The following SPIRE1 variants were observed in gnomAD, a reference collection of about 807,000 sequenced individuals.
The protein encoded by SPIRE1 is protein spire homolog 1.
In SPIRE1, 40 loss-of-function variants were observed where a neutral mutation model predicts 94.1. The observed-to-expected ratio is 0.43, with a 90% CI of 0.33 to 0.55. The LOEUF is 0.55. Ranked by LOEUF, SPIRE1 falls within the 20% of genes least tolerant of loss-of-function variation. SPIRE1 has a pLI of 0.06. For missense variants in SPIRE1, 838 were observed against 975.2 expected (o/e 0.86, Z 1.87); for synonymous variants, 376 against 371.7 (o/e 1.01, Z -0.13).
At chr18:12,526,432 C>T (rs1050192579) in intron 4 of SPIRE1, among the ~76,000 whole-genome samples, 3 of 152,292 alleles carry the variant, frequency 2.0e-5, no homozygotes, top group East Asian at 1.9e-4. Context: ...CCACTGGCCA[C>T]GGCCCTTCTA....
At chr18:12,487,263 T>C (rs958996318) in intron 8 of SPIRE1, among the ~76,000 whole-genome samples, 4 of 152,312 alleles carry the variant, frequency 2.6e-5, no homozygotes, top group African/African-American at 7.2e-5. Context: ...AACTTTTTCA[T>C]AGGTATGCAT....
chr18:12,567,619 AATATGCAGTTAC>A (rs1260092196), intron 2 of SPIRE1, among the ~76,000 whole-genome samples: 5 of 152,152 alleles, frequency 3.3e-5, no homozygotes, highest in South Asian at 4.1e-4. Context: ...CTTTTTCCCC[AATATGCAGTTAC>A]ACTGGTAAAA....
At chr18:12,571,323 C>A (rs2035955529) in intron 2 of SPIRE1, among the ~76,000 whole-genome samples, 1 of 152,150 alleles carries the variant, frequency 6.6e-6, no homozygotes, top group African/African-American at 2.4e-5. Context: ...GATCCGCCCA[C>A]CTAAGCCTCC....
Position 12,449,434 on chromosome 18 carries a change from C to T in SPIRE1, c.*204G>A, listed in dbSNP as rs141009237. ...AACTGTTGTCCTCTCTCAGTGCAAACGAGCAATTGGCGGACCTGTCACGTT... is the reference window on the plus strand; with the variant it reads ...AACTGTTGTCCTCTCTCAGTGCAAATGAGCAATTGGCGGACCTGTCACGTT... On this transcript the variant is annotated 3_prime_UTR_variant, in exon 17 of 17. Coordinates refer to ENST00000409402, the MANE Select transcript of SPIRE1 (RefSeq NM_001128626.2). The T allele has an allele frequency of 5.1e-4, 310 of 602,556 alleles. No homozygotes were observed. The highest frequency in any genetic ancestry group is 4.7e-3 in the African/African-American group (254 of 53,922). 37.3% of individuals were successfully genotyped at this position (602,556 alleles called of 1,614,324 possible).
Position 12,506,567 on chromosome 18 carries a change from G to A in SPIRE1, c.882C>T (p.Tyr294=). ...VKLKKVQERQ[Y]NPLPIEYQLT... Reference sequence around the variant, plus strand: ...GCTGATATTCAATGGGCAAAGGGTTGTACTGCCGCTCTTGGACCTTCTTAA... The same window carrying A: ...GCTGATATTCAATGGGCAAAGGGTTATACTGCCGCTCTTGGACCTTCTTAA... The change falls in exon 6 of 17, where the codon TAC becomes TAT. Residue 294 remains tyrosine (Y), a synonymous_variant. Transcript: ENST00000409402. 6.2e-7 allele frequency: 1 copy of A among 1,614,028 alleles called. No individual in the cohort carries two copies. The highest frequency in any genetic ancestry group is 2.2e-5 in the East Asian group (1 of 44,876).
chr18:12,567,553 G>T (rs2035848922), intron 2 of SPIRE1, among the ~76,000 whole-genome samples: 1 of 152,136 alleles, frequency 6.6e-6, no homozygotes. Flanking sequence ...GGGTCTCCTA[G>T]AATCACTATC....
In SPIRE1 at chr18:12,464,851, GCAC is replaced by G; in HGVS notation, c.1495+14_1495+16del. On this transcript the variant is annotated intron_variant, in intron 11 of 16. Transcript: ENST00000409402. ...GTAAGACATCCGACTACAGCTCTTA[GCAC>G]CACAACTACTCACTCTTCCTTGTGG... 1 of 1,603,986 alleles carries G rather than the reference GCAC, an allele frequency of 6.2e-7. No individual in the cohort carries two copies.
At chr18:12,478,678 G>A (rs562912870) in intron 10 of SPIRE1, among the ~76,000 whole-genome samples, 1 of 152,096 alleles carries the variant, frequency 6.6e-6, no homozygotes, top group East Asian at 1.9e-4. Flanking sequence ...AAGTGGGTGA[G>A]GGAGAAGGGA....
intron 6 of SPIRE1, among the ~76,000 whole-genome samples, chr18:12,506,164 T>C (rs1055906488): frequency 1.3e-5 from 2 of 152,156 alleles, no homozygotes; most frequent in African/African-American, 4.8e-5. Context: ...TAGTTTTTTG[T>C]TTTTCTTTTT....
At chr18:12,525,299 T>A (rs181680749) in intron 4 of SPIRE1, among the ~76,000 whole-genome samples, 22,842 of 98,722 alleles carry the variant, frequency 0.23, 2,598 homozygotes, top group Non-Finnish European at 0.27. Flanking sequence ...AAAAAAAAAA[T>A]AATAATAATA....
chr18:12,625,807 C>T (rs2037604672), intron 2 of SPIRE1, among the ~76,000 whole-genome samples: 1 of 152,140 alleles, frequency 6.6e-6, no homozygotes, highest in Admixed American at 6.6e-5. Context: ...CTTTGGGAGG[C>T]CAAGGCGGGT....
At chr18:12,651,503 G>A (rs993874178) in intron 1 of SPIRE1, among the ~76,000 whole-genome samples, 3 of 152,060 alleles carry the variant, frequency 2.0e-5, no homozygotes, top group East Asian at 3.9e-4. Flanking sequence ...GGTGAAACCC[G>A]TGTCTACTAA....
chr18:12,579,428 A>G (rs771014527), intron 2 of SPIRE1, among the ~76,000 whole-genome samples: 4 of 152,202 alleles, frequency 2.6e-5, no homozygotes, highest in Admixed American at 6.5e-5. Context: ...TGAACTATCC[A>G]GAACAGGGAA....
intron 1 of SPIRE1, among the ~76,000 whole-genome samples, chr18:12,639,965 G>A (rs1490568011): frequency 2.0e-5 from 3 of 151,868 alleles, no homozygotes; most frequent in Admixed American, 6.6e-5. Context: ...ATGGCTTTAC[G>A]AAACAAACTA....
Position 12,593,720 on chromosome 18 carries a change from C to A in SPIRE1, c.372+41342G>T, listed in dbSNP as rs1007350444. On this transcript the variant is annotated intron_variant, in intron 2 of 16. Coordinates refer to ENST00000409402, the MANE Select transcript of SPIRE1 (RefSeq NM_001128626.2). ...ATCCCAGCACTTTGGGAGGCCGAGGCGGGCGGATCACCTGAGGTCAGGAGT... is the reference window on the plus strand; with the variant it reads ...ATCCCAGCACTTTGGGAGGCCGAGGAGGGCGGATCACCTGAGGTCAGGAGT... 7.2e-5 allele frequency among the ~76,000 whole-genome samples: 11 copies of A among 152,194 alleles called. No homozygotes were observed. The South Asian group carries it at 2.1e-3, about 29-fold the overall frequency.
chr18:12,522,053 C>A (rs1235254642), intron 4 of SPIRE1, among the ~76,000 whole-genome samples: 1 of 152,156 alleles, frequency 6.6e-6, no homozygotes, highest in Non-Finnish European at 1.5e-5. Flanking sequence ...AAGTCTCTCA[C>A]TTTAAATCAA....
intron 2 of SPIRE1, among the ~76,000 whole-genome samples, chr18:12,625,039 T>G (rs572099519): frequency 9.1e-6 from 1 of 109,606 alleles, no homozygotes; most frequent in African/African-American, 3.7e-5. Context: ...GTCATTTTAG[T>G]AATAAATGCC....
At chr18:12,481,417 A>G (rs1358178644) in intron 9 of SPIRE1, among the ~76,000 whole-genome samples, 6 of 152,098 alleles carry the variant, frequency 3.9e-5, no homozygotes, top group Admixed American at 3.9e-4. Flanking sequence ...TTTCCCTGAC[A>G]TTATTTATAA....
chr18:12,477,987 G>C lies in SPIRE1; in HGVS notation c.1404+1712C>G, dbSNP rs536554085. On this transcript the variant is annotated intron_variant, in intron 10 of 16. Transcript: ENST00000409402. ...TACAAAGAGCGGTGAGTGCAAGACGGAATTTGGGGAGCCAAGAAGAAAGTC... is the reference window on the plus strand; with the variant it reads ...TACAAAGAGCGGTGAGTGCAAGACGCAATTTGGGGAGCCAAGAAGAAAGTC... 1.2e-4 allele frequency among the ~76,000 whole-genome samples: 18 copies of C among 152,182 alleles called. 1 individual carries two copies. The South Asian group carries it at 2.9e-3, about 25-fold the overall frequency.
Sources: gnomAD v4.1 joint callset for allele counts (sites outside exome capture counted in the v4.1 genomes callset) on GRCh38, gnomAD v4.1.1 for gene constraint, MANE v1.5 for transcripts, NCBI Gene and HGNC (gene_info 2026-07-23, HGNC 2026-07-21) for gene names.